Variants in PCLAF observed in about 807,000 individuals in gnomAD.
PCLAF encodes the protein PCNA-associated factor.
In PCLAF, 12 loss-of-function variants were observed where a neutral mutation model predicts 15.1. That is an observed-to-expected ratio of 0.79 (90% CI 0.51 to 1.29). The LOEUF is 1.29. Among genes scored for constraint, PCLAF ranks in the 50% most tolerant of loss-of-function variants. PCLAF has a pLI of 0.00. For missense variants in PCLAF, 116 were observed against 130.9 expected (o/e 0.89, Z 0.56); for synonymous variants, 33 against 47.1 (o/e 0.70, Z 1.22).
chr15:64,381,521 T>C (rs1899823273), upstream of PCLAF: 5 of 1,536,072 alleles, frequency 3.3e-6, no homozygotes, highest in East Asian at 2.3e-5. Context: ...ACCGCTCCCA[T>C]TGGTTCCGCG....
chr15:64,373,012 G>C (rs1024133027), intron 3 of PCLAF: 2 of 152,182 alleles, frequency 1.3e-5, no homozygotes, highest in Non-Finnish European at 2.9e-5. Flanking sequence ...AGAGAAGAGT[G>C]AAAACTTAGC....
chr15:64,377,758 T>C, intron 2 of PCLAF, among the ~76,000 whole-genome samples: 1 of 108,954 alleles, frequency 9.2e-6, no homozygotes, highest in Admixed American at 1.0e-4. Context: ...TTTTTTTTTT[T>C]TTTTTTTTTT....
chr15:64,371,130 G>A (rs1413450984), intron 3 of PCLAF, among the ~76,000 whole-genome samples: 11 of 151,020 alleles, frequency 7.3e-5, no homozygotes, highest in African/African-American at 1.5e-4. Flanking sequence ...CACCATCCCC[G>A]GCTAATTTTT....
chr15:64,387,362 A>G (rs1044256337), intron 1 of PCLAF: 3 of 797,764 alleles, frequency 3.8e-6, no homozygotes, highest in Non-Finnish European at 4.8e-6. Context: ...AGCCTGGGCG[A>G]CAGTGCGAGA....
At chr15:64,380,216 A>C (rs1899767766) in intron 2 of PCLAF, among the ~76,000 whole-genome samples, 1 of 151,906 alleles carries the variant, frequency 6.6e-6, no homozygotes, top group African/African-American at 2.4e-5. Flanking sequence ...CCCCATCTCT[A>C]CTAAAAATAC....
chr15:64,383,105 T>C (rs1899865670), upstream of PCLAF: 1 of 152,784 alleles, frequency 6.5e-6, no homozygotes, highest in Non-Finnish European at 1.5e-5. Context: ...TTCTCTCCAA[T>C]GAATTGCTCG....
At chr15:64,378,903 T>A (rs1239332369) in intron 2 of PCLAF, among the ~76,000 whole-genome samples, 3 of 150,632 alleles carry the variant, frequency 2.0e-5, no homozygotes, top group African/African-American at 7.3e-5. Flanking sequence ...AGAGCGAGAC[T>A]GTGTCTCAGA....
At chr15:64,387,534 G>T in exon 1 of PCLAF, 1 of 1,318,974 alleles carries the variant, frequency 7.6e-7, no homozygotes, top group Admixed American at 2.9e-5. Flanking sequence ...CCGGGTATTG[G>T]TTTGTTTTCC....
rs1899013331 is a variant in PCLAF at position 64,365,998 on chromosome 15, G to A, written c.*32C>T. 4 of 1,552,386 alleles carry A rather than the reference G, an allele frequency of 2.6e-6. No homozygotes were observed. The Admixed American group carries it at 6.8e-5, about 26-fold the overall frequency. On this transcript the variant is annotated 3_prime_UTR_variant, in exon 4 of 4. Coordinates refer to ENST00000300035, the MANE Select transcript of PCLAF (RefSeq NM_014736.6). ...CATTCTAGAATACCAGGGTAAACAA[G>A]GAGACGTTATTCAAAGATGAATGAG...
upstream of PCLAF, chr15:64,381,510 C>T: frequency 1.3e-6 from 2 of 1,554,924 alleles, no homozygotes; most frequent in Middle Eastern, 1.7e-4. Context: ...TCTCCCGAGC[C>T]ACCGCTCCCA....
chr15:64,378,346 A>C (rs1899698953), intron 2 of PCLAF, among the ~76,000 whole-genome samples: 1 of 152,168 alleles, frequency 6.6e-6, no homozygotes, highest in South Asian at 2.1e-4. Flanking sequence ...CTTTAAGCTA[A>C]AACATTTGCT....
At position 64,365,837 on chromosome 15, in the gene PCLAF, G is replaced by C; in HGVS notation, c.*193C>G. On this transcript the variant is annotated 3_prime_UTR_variant, in exon 4 of 4. Coordinates refer to ENST00000300035, the MANE Select transcript of PCLAF (RefSeq NM_014736.6). ...AACAATGCATTATATTGAATACTAA[G>C]CTAAGTTACCATAATTAGTCTTACA... 1 of 590,160 alleles carries C rather than the reference G, an allele frequency of 1.7e-6. No individual in the cohort carries two copies. The highest frequency in any genetic ancestry group is 2.1e-5 in the South Asian group (1 of 48,686). The allele number at this position is 590,160 out of a possible 1,614,324, so 36.6% of individuals were successfully genotyped here.
chr15:64,372,616 A>AAAAAG (rs1025157401), intron 3 of PCLAF, among the ~76,000 whole-genome samples: 7 of 149,752 alleles, frequency 4.7e-5, no homozygotes, highest in East Asian at 4.0e-4. Context: ...TCCATCTCAA[A>AAAAAG]AAAAGAAAAG....
At chr15:64,381,612 G>T, upstream of PCLAF, 1 of 1,215,406 alleles carries the variant, frequency 8.2e-7, no homozygotes, top group Non-Finnish European at 1.1e-6. Flanking sequence ...CCATCAACAC[G>T]CAAAGGCCTA....
At chr15:64,387,346 C>T in intron 1 of PCLAF, 2 of 623,830 alleles carry the variant, frequency 3.2e-6, no homozygotes, top group Non-Finnish European at 4.2e-6. Flanking sequence ...CATGCCACTG[C>T]ACTCAAGCCT....
At chr15:64,382,776 A>C (rs1899855737), upstream of PCLAF, 1 of 213,554 alleles carries the variant, frequency 4.7e-6, no homozygotes, top group Non-Finnish European at 9.7e-6. Flanking sequence ...GGAGTTCGAG[A>C]CCAGCGTGGG....
intron 3 of PCLAF, among the ~76,000 whole-genome samples, chr15:64,366,963 T>C (rs1899059418): frequency 6.7e-6 from 1 of 149,782 alleles, no homozygotes; most frequent in Non-Finnish European, 1.5e-5. Flanking sequence ...ACAGAGAGCC[T>C]GTCTAAAAAA....
intron 2 of PCLAF, among the ~76,000 whole-genome samples, chr15:64,378,860 G>A (rs1445490799): frequency 2.0e-5 from 3 of 151,476 alleles, no homozygotes; most frequent in African/African-American, 4.9e-5. Flanking sequence ...GCAGTGAGCC[G>A]AGTTCATGCC....
chr15:64,367,242 G>T (rs561518633), intron 3 of PCLAF, among the ~76,000 whole-genome samples: 3 of 152,228 alleles, frequency 2.0e-5, no homozygotes, highest in African/African-American at 7.2e-5. Flanking sequence ...TGTGGCTCGT[G>T]CCTCTAATCT....
Sources: allele counts gnomAD v4.1 joint callset (sites outside exome capture counted in the v4.1 genomes callset), GRCh38; gene constraint gnomAD v4.1.1; transcripts MANE v1.5; gene names NCBI Gene and HGNC (gene_info 2026-07-23, HGNC 2026-07-21).